The following ADTRP variants were observed in gnomAD, a reference collection of about 807,000 sequenced individuals.
ADTRP encodes the protein androgen-dependent TFPI-regulating protein.
A neutral mutation model predicts 27.0 loss-of-function variants in ADTRP; 20 were observed. The ratio of observed to expected loss-of-function variants is 0.74; its 90% CI spans 0.52 to 1.08. The LOEUF (loss-of-function observed/expected upper bound fraction) is 1.08. Among genes scored for constraint, ADTRP ranks in the 50% least tolerant of loss-of-function variants. ADTRP has a pLI of 0.00. For missense variants in ADTRP, 251 were observed against 275.0 expected, an observed-to-expected ratio of 0.91 and a Z score of 0.62; for synonymous variants, 101 against 105.2, an observed-to-expected ratio of 0.96 and a Z score of 0.25.
chr6:11,727,015 T>TAATA (rs1215740129), intron 4 of ADTRP, among the ~76,000 whole-genome samples: 1 of 152,182 alleles, frequency 6.6e-6, no homozygotes, highest in Non-Finnish European at 1.5e-5. Context: ...TCATTGTTAC[T>TAATA]AATATTAGAA....
At chr6:11,755,769 C>G (rs1345351967) in intron 3 of ADTRP, among the ~76,000 whole-genome samples, 6 of 152,166 alleles carry the variant, frequency 3.9e-5, no homozygotes, top group Non-Finnish European at 5.9e-5. Context: ...AAACAAGGAA[C>G]CACCCATCAA....
chr6:11,714,185 T>A lies in ADTRP; in HGVS notation c.*293A>T, dbSNP rs895901425. On this transcript the variant is annotated 3_prime_UTR_variant, in exon 6 of 6. Transcript: ENST00000414691. ...TAGATGTTCTCTAACACCAAGTTTA[T>A]GTGAGTTTCTTTGGCCAGATTTTAA... The A allele has an allele frequency of 7.7e-6, 3 of 392,146 alleles. No individual in the cohort carries two copies. Among genetic ancestry groups the A allele is most frequent in the African/African-American group, 6.3e-5 (3 of 47,318 alleles). 24.3% of individuals were successfully genotyped at this position (392,146 alleles called of 1,614,324 possible).
At chr6:11,731,685 T>C (rs1278844064) in intron 4 of ADTRP, among the ~76,000 whole-genome samples, 2 of 152,168 alleles carry the variant, frequency 1.3e-5, no homozygotes, top group Non-Finnish European at 2.9e-5. Context: ...TCAGATCCAA[T>C]GCATGCCTTC....
rs549047424 is a variant in ADTRP at position 11,746,541 on chromosome 6, C to T, written c.391-10858G>A. ...AATTAAAGCTGTCTCTAGACATTGC[C>T]AAATGTCCCCTGCAGGGCACAATCC... On this transcript the variant is annotated intron_variant, in intron 3 of 5. Transcript: ENST00000414691. 3.0e-4 allele frequency among the ~76,000 whole-genome samples: 45 copies of T among 152,286 alleles called. 2 individuals are homozygous for T. Among genetic ancestry groups the T allele is most frequent in the Admixed American group, 1.4e-3 (21 of 15,300 alleles).
chr6:11,735,481 A>G (rs963318060), intron 4 of ADTRP, 87 bp downstream of exon 4: 119 of 885,094 alleles, frequency 1.3e-4, no homozygotes, highest in Non-Finnish European at 2.1e-4. Flanking sequence ...AGATAAAGGG[A>G]TTCTGACAGA....
chr6:11,775,896 G>A (rs1191156174), intron 1 of ADTRP, among the ~76,000 whole-genome samples: 1 of 152,158 alleles, frequency 6.6e-6, no homozygotes, highest in Non-Finnish European at 1.5e-5. Context: ...TGGTAATCAG[G>A]ACTGGATACT....
rs1554110970 is a variant in ADTRP at position 11,720,475 on chromosome 6, C to CTTT, written c.658+2871_658+2873dup. ...TTTGCGGCCAGGTGAGGGATATACC[C>CTTT]TTTTCTTTTTTTTTGAGATGGAGTC... On this transcript the variant is annotated intron_variant, in intron 5 of 5. Transcript: ENST00000414691. 6.4e-4 allele frequency among the ~76,000 whole-genome samples: 96 copies of CTTT among 148,864 alleles called. 1 individual carries two copies. The highest frequency in any genetic ancestry group is 2.1e-3 in the African/African-American group (86 of 40,274).
At chr6:11,748,015 A>G (rs182199401) in intron 3 of ADTRP, among the ~76,000 whole-genome samples, 1 of 152,348 alleles carries the variant, frequency 6.6e-6, no homozygotes, top group Non-Finnish European at 1.5e-5. Context: ...TCAGCCTAGA[A>G]AACTTTCTGC....
At chr6:11,725,099 G>A (rs1042640765) in intron 4 of ADTRP, among the ~76,000 whole-genome samples, 7 of 152,220 alleles carry the variant, frequency 4.6e-5, no homozygotes, top group African/African-American at 1.7e-4. Context: ...AATACTTGAA[G>A]TTTGTTAAAT....
intron 3 of ADTRP, chr6:11,735,968 T>TG: frequency 3.8e-6 from 1 of 264,748 alleles, no homozygotes. Flanking sequence ...TTGGCGGGGG[T>TG]GGGGGGTGGA....
intron 4 of ADTRP, among the ~76,000 whole-genome samples, chr6:11,725,899 CAAA>C (rs59048593): frequency 3.3e-5 from 3 of 89,940 alleles, no homozygotes; most frequent in Non-Finnish European, 6.4e-5. Flanking sequence ...GACTCTATCT[CAAA>C]AAAAAAAAAA....
chr6:11,714,064 CT>C lies in ADTRP; in HGVS notation c.*413del. 1 of 167,130 alleles carries C rather than the reference CT, an allele frequency of 6.0e-6. No homozygotes were observed. The highest frequency in any genetic ancestry group is 1.3e-5 in the Non-Finnish European group (1 of 78,610). 10.4% of individuals were successfully genotyped at this position (167,130 alleles called of 1,614,324 possible). On this transcript the variant is annotated 3_prime_UTR_variant, in exon 6 of 6. Transcript: ENST00000414691. ...GCCTTGGTTCTGACACTAAGTAACC[CT>C]TTTGCCTTTTGCAGGTAACTTCTCA...
chr6:11,770,018 C>A (rs750332790), intron 1 of ADTRP: 8 of 1,551,492 alleles, frequency 5.2e-6, no homozygotes, highest in African/African-American at 1.4e-5. Context: ...ATTTTACAAA[C>A]GAGGAAACAA....
rs772000847 is a variant in ADTRP at position 11,768,225 on chromosome 6, T to C, written c.288+24A>G. On this transcript the variant is annotated intron_variant, in intron 2 of 5. Coordinates refer to ENST00000414691, the MANE Select transcript of ADTRP (RefSeq NM_032744.4). ...GTCCATATGCACATTTCTGTTAGAT[T>C]ATGTACACATCTTTGAAACTTACCG... 1.1e-5 allele frequency: 18 copies of C among 1,613,600 alleles called. No individual in the cohort carries two copies. In the East Asian group the frequency reaches 2.0e-4, roughly 18 times the overall value.
intron 3 of ADTRP, among the ~76,000 whole-genome samples, chr6:11,765,323 GTTTTTTTT>G (rs34943978): frequency 4.0e-4 from 48 of 119,116 alleles, no homozygotes; most frequent in African/African-American, 1.6e-3. Context: ...CCCCTGGTTT[GTTTTTTTT>G]TTTTTTTTTT....
chr6:11,719,345 A>G (rs1292372001), intron 5 of ADTRP, among the ~76,000 whole-genome samples: 3 of 152,234 alleles, frequency 2.0e-5, no homozygotes, highest in African/African-American at 7.2e-5. Flanking sequence ...GATGAGCATC[A>G]GAGGCCTATA....
chr6:11,732,261 C>T (rs1250141180), intron 4 of ADTRP, among the ~76,000 whole-genome samples: 1 of 152,216 alleles, frequency 6.6e-6, no homozygotes, highest in Non-Finnish European at 1.5e-5. Context: ...AAATGCTTCT[C>T]CAGCTCAGCT....
chr6:11,732,421 G>A lies in ADTRP; in HGVS notation c.506+3147C>T, dbSNP rs560110220. ...GGGCCCATAGCCACTTCCCTAAAAC[G>A]TCTCCATGGGTGTCTGCAGTTTGTA... is the stretch of plus-strand genomic sequence containing the variant. On this transcript the variant is annotated intron_variant, in intron 4 of 5. Coordinates refer to ENST00000414691, the MANE Select transcript of ADTRP (RefSeq NM_032744.4). Among the ~76,000 whole-genome samples, 18 of 152,198 alleles carry A rather than the reference G, an allele frequency of 1.2e-4. No individual in the cohort carries two copies. In the South Asian group the frequency reaches 3.1e-3, roughly 26 times the overall value.
At chr6:11,760,944 C>T (rs4713856) in intron 3 of ADTRP, among the ~76,000 whole-genome samples, 34,498 of 152,070 alleles carry the variant, frequency 0.23, 4,537 homozygotes, top group African/African-American at 0.36. Flanking sequence ...TTCTATCATA[C>T]TCAGAATAAA....
Sources: gnomAD v4.1 joint callset for allele counts (sites outside exome capture counted in the v4.1 genomes callset) on GRCh38, gnomAD v4.1.1 for gene constraint, MANE v1.5 for transcripts, NCBI Gene and HGNC (gene_info 2026-07-23, HGNC 2026-07-21) for gene names.